Variants in TRPC6 observed in about 807,000 individuals in gnomAD.
TRPC6 encodes short transient receptor potential channel 6.
In TRPC6, 55 loss-of-function variants were observed where a neutral mutation model predicts 90.7. The observed-to-expected ratio is 0.61, with a 90% confidence interval of 0.49 to 0.76. The LOEUF (loss-of-function observed/expected upper bound fraction) is 0.76, where lower values mean the gene tolerates loss of function less well. TRPC6 is among the 30% of genes least tolerant of loss of function. TRPC6 has a pLI of 0.00. For missense variants in TRPC6, 989 were observed against 1,122.7 expected (o/e 0.88, Z 1.70); for synonymous variants, 393 against 393.0 (o/e 1.00, Z 0.00).
intron 1 of TRPC6, among the ~76,000 whole-genome samples, chr11:101,526,000 T>A (rs1397481068): frequency 6.6e-6 from 1 of 152,220 alleles, no homozygotes; most frequent in East Asian, 1.9e-4. Context: ...TTTGTACTCA[T>A]AGCCCTCATT....
At chr11:101,538,824 C>CTAAG (rs1443082313) in intron 1 of TRPC6, among the ~76,000 whole-genome samples, 1 of 152,132 alleles carries the variant, frequency 6.6e-6, no homozygotes. Context: ...GCCCTAGAAG[C>CTAAG]TAAGAATGAT....
chr11:101,491,095 T>C (rs191595903), intron 3 of TRPC6, among the ~76,000 whole-genome samples: 10 of 152,292 alleles, frequency 6.6e-5, no homozygotes, highest in African/African-American at 2.4e-4. Context: ...GTAGAGTGCC[T>C]CACAATTAGT....
chr11:101,534,132 C>T (rs1860978136), intron 1 of TRPC6, among the ~76,000 whole-genome samples: 1 of 152,058 alleles, frequency 6.6e-6, no homozygotes, highest in Non-Finnish European at 1.5e-5. Flanking sequence ...CCCTCCCTTC[C>T]TTCCCTCTCT....
chr11:101,500,210 C>A (rs11224798), intron 2 of TRPC6, among the ~76,000 whole-genome samples: 1 of 137,710 alleles, frequency 7.3e-6, no homozygotes, highest in Non-Finnish European at 1.5e-5. Flanking sequence ...TATTTTTTTT[C>A]TTTCTTTTTT....
At chr11:101,561,174 T>C (rs1399577831) in intron 1 of TRPC6, among the ~76,000 whole-genome samples, 1 of 152,158 alleles carries the variant, frequency 6.6e-6, no homozygotes, top group Non-Finnish European at 1.5e-5. Flanking sequence ...GTATCAATTC[T>C]ATCAGTGGGT....
intron 10 of TRPC6, among the ~76,000 whole-genome samples, chr11:101,459,064 A>G (rs924520799): frequency 7.9e-5 from 12 of 152,354 alleles, no homozygotes; most frequent in African/African-American, 2.9e-4. Context: ...TCAGGAATAC[A>G]GTTTAATGTA....
At chr11:101,469,800 A>G (rs1859245093) in intron 9 of TRPC6, among the ~76,000 whole-genome samples, 1 of 152,196 alleles carries the variant, frequency 6.6e-6, no homozygotes, top group South Asian at 2.1e-4. Context: ...GAAGAATATC[A>G]TAGATTGTAT....
intron 1 of TRPC6, among the ~76,000 whole-genome samples, chr11:101,546,962 TG>T (rs1440667737): frequency 6.6e-6 from 1 of 152,114 alleles, no homozygotes; most frequent in Non-Finnish European, 1.5e-5. Flanking sequence ...AAAATACAAA[TG>T]ACATCATCCA....
intron 1 of TRPC6, among the ~76,000 whole-genome samples, chr11:101,574,694 C>T (rs997121764): frequency 2.8e-5 from 4 of 144,080 alleles, no homozygotes; most frequent in African/African-American, 1.1e-4. Flanking sequence ...CTGCTTCTGC[C>T]ACCCTTCAAT....
At chr11:101,539,799 A>C (rs1201903425) in intron 1 of TRPC6, among the ~76,000 whole-genome samples, 1 of 152,152 alleles carries the variant, frequency 6.6e-6, no homozygotes, top group Non-Finnish European at 1.5e-5. Context: ...CTGCATTAGG[A>C]GCGTTACATT....
chr11:101,501,027 A>T (rs11224801), intron 2 of TRPC6, among the ~76,000 whole-genome samples: 70,950 of 151,472 alleles, frequency 0.47, 17,084 homozygotes, highest in African/African-American at 0.57. Flanking sequence ...TCAATTTTAA[A>T]CTGTGTGAAT....
rs200869151 is a variant in TRPC6 at position 101,491,833 on chromosome 11, A to ATTTTT, written c.946-96_946-95insAAAAA. ...AAGGATTTTATACTTTAAGAGAAAC[A>ATTTTT]TTCTTTTTTTTTTTTTTTTTTTTTT... is the stretch of plus-strand genomic sequence containing the variant. On this transcript the variant is annotated intron_variant, in intron 2 of 12. Coordinates refer to ENST00000344327, the MANE Select transcript of TRPC6 (RefSeq NM_004621.6). The ATTTTT allele has an allele frequency of 3.3e-3, 2,533 of 779,056 alleles. 19 individuals are homozygous for ATTTTT. The highest frequency in any genetic ancestry group is 7.8e-3 in the Middle Eastern group (18 of 2,320). 48.3% of individuals were successfully genotyped at this position (779,056 alleles called of 1,614,324 possible).
In TRPC6 at chr11:101,582,477, G is replaced by A. The variant is rs574166105; in HGVS notation, c.170+857C>T. Among the ~76,000 whole-genome samples the A allele has an allele frequency of 5.3e-5, 8 of 152,168 alleles. No individual in the cohort carries two copies. The South Asian group carries it at 1.5e-3, about 28-fold the overall frequency. On this transcript the variant is annotated intron_variant, in intron 1 of 12. Coordinates refer to ENST00000344327, the MANE Select transcript of TRPC6 (RefSeq NM_004621.6). The stretch of plus-strand genomic sequence containing the variant: ...AATGCTATCTGCCCGCTGCACATGT[G>A]GTCACAGCGGTGTCGGGGAAGCGGA...
intron 1 of TRPC6, among the ~76,000 whole-genome samples, chr11:101,563,342 C>G (rs1034944830): frequency 5.9e-5 from 9 of 152,152 alleles, no homozygotes; most frequent in Admixed American, 5.2e-4. Flanking sequence ...AGGGTTTACT[C>G]TGGACCAGAA....
intron 5 of TRPC6, among the ~76,000 whole-genome samples, chr11:101,478,981 C>G (rs919917795): frequency 6.6e-6 from 1 of 152,144 alleles, no homozygotes; most frequent in African/African-American, 2.4e-5. Context: ...TTTACTTGCC[C>G]AGGCTCCTGC....
intron 2 of TRPC6, among the ~76,000 whole-genome samples, chr11:101,497,688 A>AT (rs928363915): frequency 1.3e-5 from 2 of 151,786 alleles, no homozygotes; most frequent in African/African-American, 2.4e-5. Flanking sequence ...AAAAGAGGGG[A>AT]TTTTTTTTCC....
intron 6 of TRPC6, among the ~76,000 whole-genome samples, chr11:101,475,511 CTTA>C (rs1215191789): frequency 6.6e-6 from 1 of 151,982 alleles, no homozygotes; most frequent in Non-Finnish European, 1.5e-5. Context: ...GTATATCTCC[CTTA>C]TTATAAGCTT....
intron 1 of TRPC6, among the ~76,000 whole-genome samples, chr11:101,545,481 G>A (rs184504637): frequency 6.6e-6 from 1 of 152,164 alleles, no homozygotes; most frequent in Admixed American, 6.5e-5. Context: ...CCATTACATT[G>A]CCCCAACAAT....
At chr11:101,524,470 C>T (rs976461829) in intron 1 of TRPC6, among the ~76,000 whole-genome samples, 15 of 152,158 alleles carry the variant, frequency 9.9e-5, no homozygotes, top group African/African-American at 3.1e-4. Flanking sequence ...AGGATGGTCT[C>T]GATCTCATGA....
Sources: gnomAD v4.1 joint callset for allele counts (sites outside exome capture counted in the v4.1 genomes callset) on GRCh38, gnomAD v4.1.1 for gene constraint, MANE v1.5 for transcripts, NCBI Gene and HGNC (gene_info 2026-07-23, HGNC 2026-07-21) for gene names.